RDX: variants seen among roughly 807,000 people sequenced by gnomAD.
RDX encodes the protein radixin, also known as deafness, autosomal recessive 24.
RDX carries 32 observed loss-of-function variants against 83.7 expected under a neutral mutation model. The observed-to-expected ratio is 0.38, with a 90% confidence interval of 0.29 to 0.51. The LOEUF is 0.51. RDX is among the 20% of genes least tolerant of loss of function. RDX has a pLI of 0.87. For synonymous variants in RDX, 229 were observed against 222.7 expected (o/e 1.03, Z -0.25); for missense variants, 600 against 689.9 (o/e 0.87, Z 1.46).
intron 10 of RDX, among the ~76,000 whole-genome samples, chr11:110,243,474 T>C (rs1351800439): frequency 1.3e-5 from 2 of 152,166 alleles, no homozygotes; most frequent in African/African-American, 2.4e-5. Flanking sequence ...TCCAGCAATT[T>C]GGGAGGCCAA....
chr11:110,206,452 T>C (rs1863607921), intron 14 of RDX, among the ~76,000 whole-genome samples: 1 of 151,764 alleles, frequency 6.6e-6, no homozygotes, highest in Non-Finnish European at 1.5e-5. Flanking sequence ...AAAAAACTAG[T>C]TGTATAAAGT....
chr11:110,226,920 C>T (rs1287463326), downstream of RDX, among the ~76,000 whole-genome samples: 1 of 152,134 alleles, frequency 6.6e-6, no homozygotes, highest in Non-Finnish European at 1.5e-5. Context: ...CTGTCAGTTA[C>T]TAATTTTCCT....
At chr11:110,280,916 G>C (rs558753571) in intron 1 of RDX, among the ~76,000 whole-genome samples, 1 of 152,328 alleles carries the variant, frequency 6.6e-6, no homozygotes, top group South Asian at 2.1e-4. Context: ...TATAATCCCA[G>C]CACTTTGGGA....
intron 15 of RDX, among the ~76,000 whole-genome samples, chr11:110,191,341 C>T (rs1408638691): frequency 6.6e-6 from 1 of 152,204 alleles, no homozygotes; most frequent in African/African-American, 2.4e-5. Flanking sequence ...ATTATCTTAA[C>T]AGATGCAGAA....
At chr11:110,237,945 G>T (rs903565327) in intron 10 of RDX, 2 of 287,500 alleles carry the variant, frequency 7.0e-6, no homozygotes, top group African/African-American at 4.3e-5. Flanking sequence ...CTTGGCAAAA[G>T]CCTAATAATT....
intron 15 of RDX, among the ~76,000 whole-genome samples, chr11:110,192,241 C>T (rs1218513126): frequency 6.6e-6 from 1 of 152,148 alleles, no homozygotes; most frequent in Non-Finnish European, 1.5e-5. Context: ...TACACACCTA[C>T]AACCATCTGA....
chr11:110,289,956 CAA>C (rs58146009), intron 1 of RDX, among the ~76,000 whole-genome samples: 928 of 35,376 alleles, frequency 0.026, 1 homozygote, highest in African/African-American at 0.035. Flanking sequence ...GAGACTGTCT[CAA>C]AAAAAAAAAA....
intron 1 of RDX, among the ~76,000 whole-genome samples, chr11:110,289,293 C>A (rs753370576): frequency 6.6e-6 from 1 of 150,992 alleles, no homozygotes; most frequent in Non-Finnish European, 1.5e-5. Flanking sequence ...AAATTCAAGC[C>A]TTAACCATCT....
chr11:110,268,936 T>A (rs1860176564), intron 3 of RDX, among the ~76,000 whole-genome samples: 5 of 150,538 alleles, frequency 3.3e-5, no homozygotes, highest in Admixed American at 2.7e-4. Flanking sequence ...AAGCATATAT[T>A]TTTAAAAATG....
At chr11:110,205,940 T>C (rs1384813140) in intron 14 of RDX, among the ~76,000 whole-genome samples, 1 of 152,118 alleles carries the variant, frequency 6.6e-6, no homozygotes, top group African/African-American at 2.4e-5. Context: ...CTATATTGTT[T>C]AAAGATTTTA....
chr11:110,216,476 GA>G (rs1864056083), intron 14 of RDX, among the ~76,000 whole-genome samples: 1 of 151,218 alleles, frequency 6.6e-6, no homozygotes, highest in South Asian at 2.1e-4. Flanking sequence ...GGGCTCAAGT[GA>G]TCCTCCCACC....
intron 5 of RDX, 39 bp downstream of exon 5, chr11:110,263,921 A>G (rs1246224169): frequency 6.3e-7 from 1 of 1,595,234 alleles, no homozygotes; most frequent in African/African-American, 1.3e-5. Flanking sequence ...CTAGAATACA[A>G]TTTTCAGACA....
At chr11:110,287,034 G>A (rs1861010778) in intron 1 of RDX, 1 of 152,108 alleles carries the variant, frequency 6.6e-6, no homozygotes, top group East Asian at 1.9e-4. Flanking sequence ...AATACTTTAA[G>A]TAACAGTTAA....
rs367621598 is a variant in RDX, at chr11:110,250,832, T to C, written c.960-2999A>G. On this transcript the variant is annotated intron_variant, in intron 9 of 13. Coordinates refer to ENST00000645495, the MANE Select transcript of RDX (RefSeq NM_002906.4). ...CTCACATTTTATAAGAATCCTACCC[T>C]GACAATAGCCATCTCCAGCCAACAC... 1.4e-4 allele frequency among the ~76,000 whole-genome samples: 22 copies of C among 152,324 alleles called. No individual in the cohort carries two copies. In the East Asian group the frequency reaches 4.0e-3, roughly 28 times the overall value.
At chr11:110,181,319 C>T (rs890024112) in intron 15 of RDX, among the ~76,000 whole-genome samples, 9 of 152,152 alleles carry the variant, frequency 5.9e-5, no homozygotes, top group Admixed American at 2.0e-4. Flanking sequence ...CCCGCCACCA[C>T]GCCCAGCTGA....
At chr11:110,199,810 G>C in intron 14 of RDX, 2 of 665,220 alleles carry the variant, frequency 3.0e-6, no homozygotes, top group Middle Eastern at 2.4e-4. Context: ...GATTATGTAG[G>C]GCCTGTTATT....
chr11:110,268,939 T>A (rs994220527), intron 3 of RDX, among the ~76,000 whole-genome samples: 2 of 150,146 alleles, frequency 1.3e-5, no homozygotes, highest in African/African-American at 2.4e-5. Context: ...CATATATTTT[T>A]AAAAATGTTT....
chr11:110,184,931 A>G (rs952279333), intron 15 of RDX: 4 of 151,790 alleles, frequency 2.6e-5, no homozygotes, highest in African/African-American at 7.3e-5. Context: ...AGGGCCTGAG[A>G]AAAGCACTAG....
At chr11:110,269,827 C>G (rs1204249685) in intron 3 of RDX, among the ~76,000 whole-genome samples, 1 of 152,042 alleles carries the variant, frequency 6.6e-6, no homozygotes, top group Non-Finnish European at 1.5e-5. Flanking sequence ...CACTTGAGCT[C>G]AGAAGTTCAA....
Sources: gnomAD v4.1 joint callset for allele counts (sites outside exome capture counted in the v4.1 genomes callset) on GRCh38, gnomAD v4.1.1 for gene constraint, MANE v1.5 for transcripts, NCBI Gene and HGNC (gene_info 2026-07-23, HGNC 2026-07-21) for gene names.